CRY1: variants seen among roughly 807,000 people sequenced by gnomAD.
CRY1 encodes the protein cryptochrome circadian regulator 1.
In CRY1, 45 loss-of-function variants were observed where a neutral mutation model predicts 76.0. The observed-to-expected ratio is 0.59, with a 90% CI of 0.47 to 0.76. CRY1 has a LOEUF of 0.76. Among genes scored for constraint, CRY1 ranks in the 30% least tolerant of loss-of-function variants. The pLI, the probability that CRY1 is intolerant of heterozygous loss-of-function variation, is 0.00. For synonymous variants in CRY1, 248 were observed against 244.0 expected, an observed-to-expected ratio of 1.02 and a Z score of -0.15; for missense variants, 587 against 716.4, an observed-to-expected ratio of 0.82 and a Z score of 2.06.
At chr12:107,068,022 A>T (rs563977178) in intron 1 of CRY1, among the ~76,000 whole-genome samples, 26 of 152,148 alleles carry the variant, frequency 1.7e-4, no homozygotes, top group Admixed American at 1.4e-3. Context: ...ATATTTGCTA[A>T]CTGGTTGCTT....
At chr12:106,992,688 TG>T in intron 12 of CRY1, 98 bp downstream of exon 12, 5 of 1,113,910 alleles carry the variant, frequency 4.5e-6, no homozygotes, top group Non-Finnish European at 5.2e-6. Flanking sequence ...CAAGATTTTC[TG>T]GTTTGAAAAT....
chr12:107,042,903 T>C (rs1384340920), intron 1 of CRY1: 8 of 152,132 alleles, frequency 5.3e-5, no homozygotes, highest in Admixed American at 5.2e-4. Context: ...ACCTTGAACA[T>C]GTAGAGATCT....
At chr12:107,036,104 G>A (rs1182304049) in intron 1 of CRY1, among the ~76,000 whole-genome samples, 1 of 152,148 alleles carries the variant, frequency 6.6e-6, no homozygotes, top group Non-Finnish European at 1.5e-5. Context: ...CTCCACAGTA[G>A]GGGAAGAACT....
chr12:107,029,092 C>T (rs2136854300), intron 1 of CRY1, among the ~76,000 whole-genome samples: 1 of 152,244 alleles, frequency 6.6e-6, no homozygotes, highest in South Asian at 2.1e-4. Flanking sequence ...ACTTTAGAGA[C>T]AGGGTCTCGT....
At position 107,001,882 on chromosome 12, in the gene CRY1, T is replaced by C. The variant is rs1363272632; in HGVS notation, c.477A>G (p.Lys159=). 5.6e-6 allele frequency: 9 copies of C among 1,602,098 alleles called. No homozygotes were observed. The highest frequency in any genetic ancestry group is 7.6e-6 in the Non-Finnish European group (9 of 1,177,170). Residue 159 remains lysine, a synonymous_variant, in exon 4 of 13, where the codon AAA becomes AAG. Coordinates refer to ENST00000008527, the MANE Select transcript of CRY1 (RefSeq NM_004075.5). ...TYKRFQTLIS[K]MEPLEIPVET... is the part of the protein sequence containing the mutation. ...CTACTGGTATCTCTAGTGGTTCCATTTTGCTGATGAGAGTCTGGAATCTTT... is the reference window on the plus strand; with the variant it reads ...CTACTGGTATCTCTAGTGGTTCCATCTTGCTGATGAGAGTCTGGAATCTTT...
intron 2 of CRY1, among the ~76,000 whole-genome samples, chr12:107,014,914 G>A (rs1952483074): frequency 6.6e-6 from 1 of 152,086 alleles, no homozygotes; most frequent in Non-Finnish European, 1.5e-5. Context: ...GTCACACTCT[G>A]TTGCGCAGGC....
At chr12:107,029,163 G>A (rs1279369209) in intron 1 of CRY1, among the ~76,000 whole-genome samples, 1 of 152,026 alleles carries the variant, frequency 6.6e-6, no homozygotes, top group African/African-American at 2.4e-5. Flanking sequence ...CTCGGTTCCT[G>A]AATAGTCAGG....
chr12:107,052,779 A>G (rs1353062360), intron 1 of CRY1, among the ~76,000 whole-genome samples: 3 of 152,202 alleles, frequency 2.0e-5, no homozygotes, highest in Non-Finnish European at 2.9e-5. Context: ...TACTCAAAAA[A>G]CCAGTATGGC....
rs373277139 is a variant in CRY1 at position 107,001,370 on chromosome 12, T to G, written c.596-2A>C. ...AGGATAAGCCATCTGTATCAAAACC[T>G]ACAAGAAAGAAAAGAAAAAAACATC... On this transcript the variant is annotated splice_acceptor_variant, in intron 4 of 12. Transcript: ENST00000008527. LOFTEE classifies it high-confidence loss of function. 1 of 1,600,558 alleles carries G rather than the reference T, an allele frequency of 6.2e-7. No homozygotes were observed. Among genetic ancestry groups the G allele is most frequent in the Non-Finnish European group, 8.5e-7 (1 of 1,175,922 alleles).
intron 2 of CRY1, among the ~76,000 whole-genome samples, chr12:107,006,505 A>G (rs552214052): frequency 1.3e-5 from 2 of 152,334 alleles, no homozygotes; most frequent in South Asian, 4.1e-4. Context: ...CTGATGGATC[A>G]AAGATAAGCA....
rs1593513570 is a variant in CRY1 at position 107,030,760 on chromosome 12, A to C, written c.159-8568T>G. ...AAGTGTATTATGGTAGCCCAGAAGA[A>C]ACCTAACTGTGTGGGGGTGGGGAAG... On this transcript the variant is annotated intron_variant, in intron 1 of 12. Transcript: ENST00000008527. Among the ~76,000 whole-genome samples the C allele has an allele frequency of 2.6e-5, 4 of 151,926 alleles. No individual in the cohort carries two copies. In the East Asian group the frequency reaches 7.8e-4, roughly 29 times the overall value.
chr12:107,092,725 A>T, intron 1 of CRY1, 79 bp downstream of exon 1: 1 of 1,571,332 alleles, frequency 6.4e-7, no homozygotes, highest in Non-Finnish European at 8.6e-7. Context: ...AAATTCACAG[A>T]TTTGGCGGAT....
intron 1 of CRY1, among the ~76,000 whole-genome samples, chr12:107,042,277 A>T (rs1013114347): frequency 3.3e-5 from 5 of 152,230 alleles, no homozygotes; most frequent in African/African-American, 1.2e-4. Context: ...GTTGAATACT[A>T]AAATTCATGG....
chr12:107,051,962 T>C (rs893477101), intron 1 of CRY1, among the ~76,000 whole-genome samples: 2 of 146,018 alleles, frequency 1.4e-5, no homozygotes, highest in African/African-American at 5.0e-5. Context: ...ATTAGAACTA[T>C]ATATAATGAT....
chr12:107,036,358 A>T (rs556407868), intron 1 of CRY1, among the ~76,000 whole-genome samples: 10 of 152,158 alleles, frequency 6.6e-5, no homozygotes, highest in Admixed American at 1.3e-4. Context: ...TTCAAAATAC[A>T]TCCAGAATCT....
intron 1 of CRY1, among the ~76,000 whole-genome samples, chr12:107,053,764 A>T (rs1446163531): frequency 6.6e-6 from 1 of 152,214 alleles, no homozygotes; most frequent in African/African-American, 2.4e-5. Flanking sequence ...AATACAAAGA[A>T]ACTCAGACGG....
chr12:107,062,053 G>GAAAAAAAA (rs1288566543), intron 1 of CRY1, among the ~76,000 whole-genome samples: 1 of 127,066 alleles, frequency 7.9e-6, no homozygotes, highest in African/African-American at 2.9e-5. Context: ...AAGAAAAAAA[G>GAAAAAAAA]AAAAAAAAAA....
Position 106,999,690 on chromosome 12 carries a change from C to A in CRY1, c.998G>T (p.Gly333Val). 6.2e-7 allele frequency: 1 copy of A among 1,614,256 alleles called. No homozygotes were observed. Among genetic ancestry groups the A allele is most frequent in the Non-Finnish European group, 8.5e-7 (1 of 1,180,040 alleles). ...NPEALAKWAE[G>V]RTGFPWIDAI... ...ATCAATCCATGGAAAGCCTGTCCGG[C>A]CTTCCGCCCATTTGGCTAAAGCCTC... Residue 333 changes from glycine (G) to valine (V), a missense_variant, in exon 7 of 13, where the codon GGC (glycine) becomes GTC (valine). Coordinates refer to ENST00000008527, the MANE Select transcript of CRY1 (RefSeq NM_004075.5).
At chr12:107,056,528 C>T (rs1952984254) in intron 1 of CRY1, among the ~76,000 whole-genome samples, 1 of 152,096 alleles carries the variant, frequency 6.6e-6, no homozygotes, top group Non-Finnish European at 1.5e-5. Context: ...TTGAATGTGG[C>T]CCAACACAAT....
Sources: allele counts gnomAD v4.1 joint callset (sites outside exome capture counted in the v4.1 genomes callset), GRCh38; gene constraint gnomAD v4.1.1; transcripts MANE v1.5; gene names NCBI Gene and HGNC (gene_info 2026-07-23, HGNC 2026-07-21).